GPC6: variants seen among roughly 807,000 people sequenced by gnomAD.
The protein encoded by GPC6 is glypican-6.
In GPC6, 14 loss-of-function variants were observed where a neutral mutation model predicts 55.2. That is an observed-to-expected ratio of 0.25 (90% CI 0.17 to 0.40). GPC6 has a LOEUF of 0.40. Among genes scored for constraint, GPC6 ranks in the 10% least tolerant of loss-of-function variants. The pLI is 1.00. For synonymous variants in GPC6, 278 were observed against 259.6 expected (o/e 1.07, Z -0.68); for missense variants, 641 against 708.5 (o/e 0.90, Z 1.08).
chr13:94,110,067 A>C (rs1886187985), intron 4 of GPC6, among the ~76,000 whole-genome samples: 1 of 150,858 alleles, frequency 6.6e-6, no homozygotes, highest in East Asian at 1.9e-4. Context: ...TGGACTAAAA[A>C]AAAAAAAAAA....
chr13:93,359,042 C>A (rs755352239), intron 1 of GPC6, among the ~76,000 whole-genome samples: 2 of 148,294 alleles, frequency 1.3e-5, no homozygotes, highest in Non-Finnish European at 3.0e-5. Context: ...GATCACGGCT[C>A]ACTGCTGCTT....
At chr13:93,799,117 C>T (rs190545908) in intron 2 of GPC6, among the ~76,000 whole-genome samples, 45 of 152,108 alleles carry the variant, frequency 3.0e-4, no homozygotes, top group African/African-American at 1.1e-3. Context: ...TCACATTCAC[C>T]GTGTAATCAA....
chr13:93,648,284 G>A (rs1475998800), intron 2 of GPC6, among the ~76,000 whole-genome samples: 2 of 152,132 alleles, frequency 1.3e-5, no homozygotes, highest in Non-Finnish European at 2.9e-5. Context: ...TAATACAGGT[G>A]TAAGGCTTCT....
At chr13:93,507,677 T>C (rs1880788195) in intron 1 of GPC6, among the ~76,000 whole-genome samples, 1 of 152,166 alleles carries the variant, frequency 6.6e-6, no homozygotes. Flanking sequence ...ATGAGTGACA[T>C]GAGTCAGTAG....
intron 1 of GPC6, among the ~76,000 whole-genome samples, chr13:93,348,432 C>T (rs577450691): frequency 1.3e-5 from 2 of 152,304 alleles, no homozygotes; most frequent in Admixed American, 1.3e-4. Context: ...ATTTTTCAGT[C>T]TTTCTAACCC....
At position 93,676,148 on chromosome 13, in the gene GPC6, TATATATATATATATATATATAC is replaced by T. The variant is rs1200462741; in HGVS notation, c.319+130731_319+130752del. Among the ~76,000 whole-genome samples the T allele has an allele frequency of 1.1e-3, 15 of 13,950 alleles. 1 individual carries two copies. Among genetic ancestry groups the T allele is most frequent in the Admixed American group, 1.3e-3 (1 of 772 alleles). The allele number at this position is 13,950 out of a possible 152,430, so 9.2% of individuals were successfully genotyped here. A position where few individuals can be genotyped will look rare whatever the true frequency, so the allele number is the denominator to read the frequency against. ...AAAAATATATATATATATATATATA[TATATATATATATATATATATAC>T]ATACACACACACACACACACATATA... On this transcript the variant is annotated intron_variant, in intron 2 of 8. Coordinates refer to ENST00000377047, the MANE Select transcript of GPC6 (RefSeq NM_005708.5).
At chr13:93,805,300 C>A (rs910033338) in intron 2 of GPC6, among the ~76,000 whole-genome samples, 24 of 152,224 alleles carry the variant, frequency 1.6e-4, no homozygotes, top group African/African-American at 5.3e-4. Flanking sequence ...AGTACATATC[C>A]TATGCCACCC....
intron 2 of GPC6, among the ~76,000 whole-genome samples, chr13:93,779,928 T>C (rs1041804617): frequency 2.0e-5 from 3 of 152,210 alleles, no homozygotes; most frequent in African/African-American, 7.2e-5. Context: ...TGCTACTCTT[T>C]TCCACTGGTG....
At chr13:93,849,750 G>A (rs1005004170) in intron 3 of GPC6, among the ~76,000 whole-genome samples, 2 of 152,048 alleles carry the variant, frequency 1.3e-5, no homozygotes, top group African/African-American at 4.8e-5. Flanking sequence ...TAAATGATTA[G>A]TGGAAGGAAG....
chr13:93,608,377 T>C (rs1878331918), intron 2 of GPC6, among the ~76,000 whole-genome samples: 2 of 152,246 alleles, frequency 1.3e-5, no homozygotes, highest in Admixed American at 6.5e-5. Flanking sequence ...AATACAAAAG[T>C]AAATAATATG....
At chr13:94,330,656 C>T (rs1309468813) in intron 6 of GPC6, among the ~76,000 whole-genome samples, 2 of 152,134 alleles carry the variant, frequency 1.3e-5, no homozygotes, top group Admixed American at 1.3e-4. Context: ...CCAGGTGATT[C>T]GTAGGTACAT....
chr13:93,319,887 G>C (rs1287855649), intron 1 of GPC6, among the ~76,000 whole-genome samples: 1 of 151,970 alleles, frequency 6.6e-6, no homozygotes, highest in African/African-American at 2.4e-5. Flanking sequence ...AAGTGACATA[G>C]GATATACATG....
At chr13:93,769,291 T>C (rs1325561651) in intron 2 of GPC6, among the ~76,000 whole-genome samples, 2 of 152,168 alleles carry the variant, frequency 1.3e-5, no homozygotes, top group African/African-American at 4.8e-5. Flanking sequence ...CACAGTTTAA[T>C]AGCAAGAAGG....
At chr13:93,657,730 A>G (rs1483885729) in intron 2 of GPC6, among the ~76,000 whole-genome samples, 1 of 152,106 alleles carries the variant, frequency 6.6e-6, no homozygotes, top group Non-Finnish European at 1.5e-5. Flanking sequence ...TCCAGAATAT[A>G]TAAGGAACAT....
intron 2 of GPC6, among the ~76,000 whole-genome samples, chr13:93,765,311 T>TGTCTGGAAAGACAACTCTCCAGATAAGC (rs1368557718): frequency 2.9e-5 from 1 of 34,084 alleles, no homozygotes; most frequent in Non-Finnish European, 6.0e-5. Flanking sequence ...GACAACTTAT[T>TGTCTGGAAAGACAACTCTCCAGATAAGC]TGGTTTAAGT....
chr13:93,271,136 T>A (rs1277254554), intron 1 of GPC6, among the ~76,000 whole-genome samples: 1 of 152,132 alleles, frequency 6.6e-6, no homozygotes, highest in Non-Finnish European at 1.5e-5. Flanking sequence ...CTAGGTAGAA[T>A]TGACTGACAG....
intron 6 of GPC6, among the ~76,000 whole-genome samples, chr13:94,325,905 A>G (rs148773805): frequency 6.6e-6 from 1 of 152,174 alleles, no homozygotes; most frequent in African/African-American, 2.4e-5. Context: ...AGCTCTGACC[A>G]TGACCTCCTT....
intron 1 of GPC6, among the ~76,000 whole-genome samples, chr13:93,328,299 T>C (rs1410629347): frequency 6.6e-6 from 1 of 152,184 alleles, no homozygotes; most frequent in Non-Finnish European, 1.5e-5. Flanking sequence ...GTGTGTGTTA[T>C]ATTCTAAAGA....
At chr13:93,423,251 G>A (rs369074084) in intron 1 of GPC6, among the ~76,000 whole-genome samples, 2 of 152,110 alleles carry the variant, frequency 1.3e-5, no homozygotes, top group African/African-American at 2.4e-5. Flanking sequence ...AATGTCTTCC[G>A]ATCAGGCCAG....
Sources: allele counts gnomAD v4.1 joint callset (sites outside exome capture counted in the v4.1 genomes callset), GRCh38; gene constraint gnomAD v4.1.1; transcripts MANE v1.5; gene names NCBI Gene and HGNC (gene_info 2026-07-23, HGNC 2026-07-21).